The following SNX10 variants were observed in gnomAD, a reference collection of about 807,000 sequenced individuals.
SNX10 encodes the protein sorting nexin 10, also known as sorting nexin-10.
In SNX10, 25 loss-of-function variants were observed where a neutral mutation model predicts 28.5. That is an observed-to-expected ratio of 0.88 (90% CI 0.64 to 1.22). The LOEUF is 1.22. Among genes scored for constraint, SNX10 ranks in the 50% most tolerant of loss-of-function variants. The probability of loss-of-function intolerance (pLI) is 0.00; values close to 1 mark genes in which losing one functional copy is unlikely to be tolerated. For missense variants in SNX10, 223 were observed against 242.6 expected (o/e 0.92, Z 0.54); for synonymous variants, 62 against 81.4 (o/e 0.76, Z 1.28).
chr7:26,364,999 G>A lies in SNX10; in HGVS notation c.213-48G>A, dbSNP rs756190208. On this transcript the variant is annotated intron_variant, in intron 4 of 6. Coordinates refer to ENST00000338523, the MANE Select transcript of SNX10 (RefSeq NM_013322.3). The surrounding 1 kb of genome is among the most constrained non-coding windows in gnomAD (Gnocchi z 4.9). Reference sequence around the variant, plus strand: ...ACTTTGAGGGATTTCTGTAACAGAAGCACCTTGAGTTAATCATTTAAAAAC... The same window carrying A: ...ACTTTGAGGGATTTCTGTAACAGAAACACCTTGAGTTAATCATTTAAAAAC... 4 of 1,139,180 alleles carry A rather than the reference G, an allele frequency of 3.5e-6. No homozygotes were observed. Among genetic ancestry groups the A allele is most frequent in the Non-Finnish European group, 5.3e-6 (4 of 751,286 alleles). The allele number at this position is 1,139,180 out of a possible 1,614,324, so 70.6% of individuals were successfully genotyped here.
chr7:26,325,328 T>TATATATA (rs56716262), intron 1 of SNX10, among the ~76,000 whole-genome samples: 21 of 123,086 alleles, frequency 1.7e-4, no homozygotes, highest in South Asian at 2.6e-4. Context: ...TATATATATA[T>TATATATA]TTGAGATGGA....
chr7:26,317,544 CACTT>C (rs1192913138), intron 1 of SNX10, among the ~76,000 whole-genome samples: 1 of 151,808 alleles, frequency 6.6e-6, no homozygotes, highest in Non-Finnish European at 1.5e-5. Flanking sequence ...TTAGAAGAGA[CACTT>C]ATTTAAGTCT....
intron 1 of SNX10, among the ~76,000 whole-genome samples, chr7:26,299,217 A>G (rs1786225796): frequency 6.6e-6 from 1 of 151,576 alleles, no homozygotes; most frequent in Non-Finnish European, 1.5e-5. Context: ...TTTTTTTGAG[A>G]TGGAGTCTCG....
At chr7:26,350,112 G>A (rs1008223592) in intron 2 of SNX10, among the ~76,000 whole-genome samples, 1 of 152,192 alleles carries the variant, frequency 6.6e-6, no homozygotes, top group African/African-American at 2.4e-5. Context: ...GGATCATGAT[G>A]GCTGCATTCT....
At chr7:26,300,911 C>G (rs779301627) in intron 1 of SNX10, among the ~76,000 whole-genome samples, 1 of 147,990 alleles carries the variant, frequency 6.8e-6, no homozygotes, top group Admixed American at 6.9e-5. Flanking sequence ...CCCAGCTACT[C>G]GGGAGGCTGC....
intron 1 of SNX10, among the ~76,000 whole-genome samples, chr7:26,328,135 C>G (rs1457298894): frequency 6.6e-6 from 1 of 152,082 alleles, no homozygotes. Flanking sequence ...AAGAGTAGAA[C>G]TGATGAGAGC....
intron 1 of SNX10, among the ~76,000 whole-genome samples, chr7:26,322,301 T>C (rs1313433284): frequency 6.6e-6 from 1 of 152,222 alleles, no homozygotes; most frequent in East Asian, 1.9e-4. Context: ...AACTTTTTGC[T>C]CTTTATATGA....
chr7:26,303,229 G>T (rs913613010), intron 1 of SNX10, among the ~76,000 whole-genome samples: 2 of 152,226 alleles, frequency 1.3e-5, no homozygotes, highest in Admixed American at 6.5e-5. Flanking sequence ...TTAAAGAAGA[G>T]AAACTTTCCT....
rs571289503 is a variant in SNX10, at chr7:26,298,668, A to G, written c.-24+6582A>G. ...CCAAAATGGAAAATGTTCATTATGCATTATGTTAGTCAGTTTGGGCTGCCA... is the reference window on the plus strand; with the variant it reads ...CCAAAATGGAAAATGTTCATTATGCGTTATGTTAGTCAGTTTGGGCTGCCA... On this transcript the variant is annotated intron_variant, in intron 1 of 6. Transcript: ENST00000338523. Among the ~76,000 whole-genome samples, 6 of 152,364 alleles carry G rather than the reference A, an allele frequency of 3.9e-5. No homozygotes were observed. In the South Asian group the frequency reaches 1.2e-3, roughly 32 times the overall value.
chr7:26,355,821 G>T lies in SNX10; in HGVS notation c.25-5154G>T, dbSNP rs568022065. Among the ~76,000 whole-genome samples the T allele has an allele frequency of 7.2e-5, 11 of 152,300 alleles. No homozygotes were observed. The South Asian group carries it at 1.0e-3, about 14-fold the overall frequency. On this transcript the variant is annotated intron_variant, in intron 2 of 6. Transcript: ENST00000338523. ...TTTGAGAGTACAGTCTTTGGAACAA[G>T]GCAGATCTGAGTTTGAAACTTAGCT...
intron 1 of SNX10, among the ~76,000 whole-genome samples, chr7:26,302,557 A>G (rs1391630914): frequency 1.3e-5 from 2 of 152,116 alleles, no homozygotes; most frequent in Non-Finnish European, 2.9e-5. Context: ...TGGCCTACGT[A>G]TTGCCCAGGA....
intron 1 of SNX10, among the ~76,000 whole-genome samples, chr7:26,310,553 G>C (rs961660609): frequency 4.6e-5 from 7 of 152,138 alleles, no homozygotes; most frequent in Admixed American, 1.3e-4. Context: ...CTTTGGGGAG[G>C]TGGCCTTTAA....
intron 1 of SNX10, among the ~76,000 whole-genome samples, chr7:26,300,353 A>G (rs560685326): frequency 6.6e-6 from 1 of 152,240 alleles, no homozygotes; most frequent in South Asian, 2.1e-4. Flanking sequence ...TTGGCTCCCA[A>G]AGGGTTTAGG....
intron 2 of SNX10, among the ~76,000 whole-genome samples, chr7:26,359,250 C>T (rs981917767): frequency 7.2e-5 from 11 of 152,002 alleles, no homozygotes; most frequent in African/African-American, 2.7e-4. Context: ...AAGTGTTGCC[C>T]TAGAAGGTGA....
intron 1 of SNX10, among the ~76,000 whole-genome samples, chr7:26,340,426 A>G (rs1437720649): frequency 6.6e-6 from 1 of 152,240 alleles, no homozygotes; most frequent in African/African-American, 2.4e-5. Flanking sequence ...AATATTTACT[A>G]TCTGACCCTC....
Position 26,373,128 on chromosome 7 carries a change from A to G in SNX10, c.*556A>G, listed in dbSNP as rs1789640305. Reference sequence around the variant, plus strand: ...TTTAAGAGTATTTAACCTTTCCAGTATTCTGTTTCACGCTTAGATGGAAAT... The same window carrying G: ...TTTAAGAGTATTTAACCTTTCCAGTGTTCTGTTTCACGCTTAGATGGAAAT... On this transcript the variant is annotated 3_prime_UTR_variant, in exon 7 of 7. Transcript: ENST00000338523. This position sits in a 1 kb window ranked among gnomAD's most constrained non-coding sequence, Gnocchi z 4.2. 6.6e-6 allele frequency: 1 copy of G among 152,186 alleles called. No homozygotes were observed. The highest frequency in any genetic ancestry group is 1.9e-4 in the East Asian group (1 of 5,208). The allele number at this position is 152,186 out of a possible 1,614,324, so 9.4% of individuals were successfully genotyped here.
At chr7:26,316,726 C>T (rs192448621) in intron 1 of SNX10, among the ~76,000 whole-genome samples, 1 of 152,234 alleles carries the variant, frequency 6.6e-6, no homozygotes, top group African/African-American at 2.4e-5. Context: ...GCAGGTGGAC[C>T]AGGGTCACTT....
At chr7:26,358,805 G>GTTTTTGTTT (rs1554360948) in intron 2 of SNX10, among the ~76,000 whole-genome samples, 3 of 100,112 alleles carry the variant, frequency 3.0e-5, no homozygotes, top group African/African-American at 1.3e-4. Flanking sequence ...GTTATCTTGT[G>GTTTTTGTTT]TTTTTTTTTT....
At chr7:26,343,150 A>G (rs963038417) in intron 1 of SNX10, among the ~76,000 whole-genome samples, 6 of 152,180 alleles carry the variant, frequency 3.9e-5, no homozygotes, top group Non-Finnish European at 5.9e-5. Flanking sequence ...AAGGTGGCCA[A>G]TTATCAGACT....
Sources: allele counts gnomAD v4.1 joint callset (sites outside exome capture counted in the v4.1 genomes callset), GRCh38; gene constraint gnomAD v4.1.1; non-coding constraint Gnocchi (gnomAD v3.1); transcripts MANE v1.5; gene names NCBI Gene and HGNC (gene_info 2026-07-23, HGNC 2026-07-21).